The following DAP variants were observed in gnomAD, a reference collection of about 807,000 sequenced individuals.
DAP encodes death-associated protein 1.
A neutral mutation model predicts 13.8 loss-of-function variants in DAP; 8 were observed. The observed-to-expected ratio is 0.58, with a 90% CI of 0.34 to 1.05. The LOEUF (loss-of-function observed/expected upper bound fraction) is 1.05. Among genes scored for constraint, DAP ranks in the 50% least tolerant of loss-of-function variants. DAP has a pLI of 0.03. For synonymous variants in DAP, 47 were observed against 47.5 expected (o/e 0.99, Z 0.04); for missense variants, 106 against 133.2 (o/e 0.80, Z 1.01).
intron 2 of DAP, among the ~76,000 whole-genome samples, chr5:10,700,459 G>T (rs1266317934): frequency 6.6e-6 from 1 of 152,236 alleles, no homozygotes; most frequent in East Asian, 1.9e-4. Context: ...TTTCACATCT[G>T]CTGGGACCTG....
At chr5:10,703,280 A>C (rs1377289414) in intron 2 of DAP, among the ~76,000 whole-genome samples, 1 of 152,230 alleles carries the variant, frequency 6.6e-6, no homozygotes, top group African/African-American at 2.4e-5. Context: ...TTAGGTTCCT[A>C]AACTGTCTCA....
intron 2 of DAP, among the ~76,000 whole-genome samples, chr5:10,686,559 G>C (rs1301737920): frequency 6.6e-6 from 1 of 152,148 alleles, no homozygotes; most frequent in Non-Finnish European, 1.5e-5. Flanking sequence ...CGAGTGGTCT[G>C]GATAAAAGAC....
intron 3 of DAP, 99 bp downstream of exon 3, chr5:10,683,430 G>C (rs1487431435): frequency 8.8e-7 from 1 of 1,130,878 alleles, no homozygotes. Context: ...AGTGGTGCTG[G>C]GTTATTCCAG....
At chr5:10,702,933 C>T (rs1738617364) in intron 2 of DAP, among the ~76,000 whole-genome samples, 1 of 152,210 alleles carries the variant, frequency 6.6e-6, no homozygotes, top group Admixed American at 6.5e-5. Context: ...CAGATGTGCA[C>T]CCTTACCCTG....
chr5:10,697,544 A>G lies in DAP; in HGVS notation c.153-13973T>C, dbSNP rs147768965. Among the ~76,000 whole-genome samples the G allele has an allele frequency of 2.5e-3, 386 of 152,252 alleles. 4 individuals are homozygous for G. The highest frequency in any genetic ancestry group is 8.5e-3 in the African/African-American group (355 of 41,544). ...AAAAATCACTCTATTTATTGTCTAT[A>G]TTTTGAAATGCAATCTTCAGGCTCA... is the stretch of plus-strand genomic sequence containing the variant. On this transcript the variant is annotated intron_variant, in intron 2 of 3. Transcript: ENST00000230895.
intron 2 of DAP, among the ~76,000 whole-genome samples, chr5:10,689,696 C>T (rs899542662): frequency 6.6e-6 from 1 of 152,182 alleles, no homozygotes; most frequent in South Asian, 2.1e-4. Context: ...GTCCTTTGTG[C>T]TGCATCCTAT....
intron 3 of DAP, 119 bp downstream of exon 3, chr5:10,683,410 G>T: frequency 1.0e-6 from 1 of 983,116 alleles, no homozygotes; most frequent in Non-Finnish European, 1.6e-6. Context: ...TGGCCACAGA[G>T]GAGATGAGCA....
intron 2 of DAP, among the ~76,000 whole-genome samples, chr5:10,715,438 C>T (rs1191319714): frequency 2.0e-5 from 3 of 152,150 alleles, no homozygotes; most frequent in African/African-American, 7.2e-5. Context: ...CACCACTCCA[C>T]CCTTGGGGAC....
At chr5:10,750,156 T>C (rs1279109639) in intron 1 of DAP, among the ~76,000 whole-genome samples, 1 of 152,102 alleles carries the variant, frequency 6.6e-6, no homozygotes, top group Non-Finnish European at 1.5e-5. Context: ...CACGATACAG[T>C]CAACTTGCCA....
At chr5:10,727,040 A>C (rs1231775608) in intron 2 of DAP, among the ~76,000 whole-genome samples, 2 of 152,186 alleles carry the variant, frequency 1.3e-5, no homozygotes, top group African/African-American at 4.8e-5. Flanking sequence ...CCTGGAATGT[A>C]AGCAACTGTT....
chr5:10,694,625 T>C (rs1363307877), intron 2 of DAP, among the ~76,000 whole-genome samples: 2 of 152,196 alleles, frequency 1.3e-5, no homozygotes, highest in Non-Finnish European at 2.9e-5. Context: ...ACCCACTGTG[T>C]GCTGATGAAA....
chr5:10,688,923 G>A (rs911641794), intron 2 of DAP, among the ~76,000 whole-genome samples: 5 of 152,162 alleles, frequency 3.3e-5, no homozygotes, highest in African/African-American at 4.8e-5. Context: ...TGAGGCTCTC[G>A]GGGGACCTGG....
intron 2 of DAP, among the ~76,000 whole-genome samples, chr5:10,734,504 G>A (rs1402043035): frequency 1.3e-5 from 2 of 152,126 alleles, no homozygotes; most frequent in African/African-American, 2.4e-5. Context: ...GCTCTGTGGC[G>A]AGGCTTTGAT....
chr5:10,742,447 A>C (rs778502857), intron 2 of DAP, among the ~76,000 whole-genome samples: 4 of 152,198 alleles, frequency 2.6e-5, no homozygotes, highest in African/African-American at 4.8e-5. Flanking sequence ...GAATCACTTG[A>C]AACCGGAAGA....
At chr5:10,718,888 C>T (rs111494565) in intron 2 of DAP, among the ~76,000 whole-genome samples, 5 of 152,222 alleles carry the variant, frequency 3.3e-5, no homozygotes, top group East Asian at 1.9e-4. Flanking sequence ...TAATCTTATT[C>T]GGAGAGACCT....
chr5:10,733,222 G>A (rs954309867), intron 2 of DAP, among the ~76,000 whole-genome samples: 13 of 144,386 alleles, frequency 9.0e-5, no homozygotes, highest in African/African-American at 3.3e-4. Context: ...CCTACATTTT[G>A]TTTCTCCATT....
chr5:10,738,009 C>T (rs1487605497), intron 2 of DAP, among the ~76,000 whole-genome samples: 6 of 152,152 alleles, frequency 3.9e-5, no homozygotes, highest in Non-Finnish European at 8.8e-5. Flanking sequence ...CATCTACAAG[C>T]CAGGGGATGC....
chr5:10,752,693 T>C (rs1461962431), intron 1 of DAP, among the ~76,000 whole-genome samples: 1 of 152,202 alleles, frequency 6.6e-6, no homozygotes, highest in African/African-American at 2.4e-5. Flanking sequence ...CATGTGTGCA[T>C]ACGTATGTGC....
chr5:10,681,754 T>C (rs547392766), intron 3 of DAP, among the ~76,000 whole-genome samples: 1 of 141,512 alleles, frequency 7.1e-6, no homozygotes, highest in East Asian at 2.1e-4. Flanking sequence ...GGCAGTTGTA[T>C]GTGAGGAAGC....
Sources: allele counts gnomAD v4.1 joint callset (sites outside exome capture counted in the v4.1 genomes callset), GRCh38; gene constraint gnomAD v4.1.1; transcripts MANE v1.5; gene names NCBI Gene and HGNC (gene_info 2026-07-23, HGNC 2026-07-21).